GRID1: variants seen among roughly 807,000 people sequenced by gnomAD.
The protein encoded by GRID1 is glutamate receptor ionotropic, delta-1.
GRID1 carries 28 observed loss-of-function variants against 98.0 expected under a neutral mutation model. The ratio of observed to expected loss-of-function variants is 0.29; its 90% confidence interval spans 0.21 to 0.39. The LOEUF (loss-of-function observed/expected upper bound fraction) is 0.39, where lower values mean the gene tolerates loss of function less well. GRID1 is among the 10% of genes least tolerant of loss of function. The pLI is 1.00. For missense variants in GRID1, 1,111 were observed against 1,340.5 expected (o/e 0.83, Z 2.67); for synonymous variants, 553 against 538.5 (o/e 1.03, Z -0.37).
intron 4 of GRID1, among the ~76,000 whole-genome samples, chr10:86,008,026 G>A (rs1842884311): frequency 6.6e-6 from 1 of 152,026 alleles, no homozygotes; most frequent in Non-Finnish European, 1.5e-5. Flanking sequence ...GGAAGATGGG[G>A]TAAGAGACAG....
In GRID1 at chr10:86,210,494, G is replaced by A. The variant is rs529524140; in HGVS notation, c.236-3846C>T. Among the ~76,000 whole-genome samples the A allele has an allele frequency of 2.8e-4, 42 of 152,222 alleles. 1 individual carries two copies. Among genetic ancestry groups the A allele is most frequent in the Admixed American group, 2.0e-4 (3 of 15,282 alleles). ...AATGCCTCACAGTGCACAAGATGCTGAACAGATGTCAGCCTCCTGCCCCTT... is the reference window on the plus strand; with the variant it reads ...AATGCCTCACAGTGCACAAGATGCTAAACAGATGTCAGCCTCCTGCCCCTT... On this transcript the variant is annotated intron_variant, in intron 2 of 15. Transcript: ENST00000327946.
At chr10:85,789,549 T>C (rs771423354) in intron 8 of GRID1, among the ~76,000 whole-genome samples, 1 of 152,208 alleles carries the variant, frequency 6.6e-6, no homozygotes, top group Non-Finnish European at 1.5e-5. Context: ...GATCCAAGTA[T>C]GCTTCCTATT....
intron 4 of GRID1, among the ~76,000 whole-genome samples, chr10:86,122,123 C>T (rs1222604966): frequency 6.6e-6 from 1 of 152,224 alleles, no homozygotes; most frequent in Non-Finnish European, 1.5e-5. Context: ...TACTAACCTA[C>T]TCCAAGCCAG....
chr10:85,631,993 A>G (rs1332753485), intron 13 of GRID1, among the ~76,000 whole-genome samples: 1 of 117,870 alleles, frequency 8.5e-6, no homozygotes, highest in Non-Finnish European at 2.0e-5. Context: ...ATGCACACAC[A>G]CACACACACA....
At chr10:85,798,155 G>A (rs896867621) in intron 8 of GRID1, among the ~76,000 whole-genome samples, 2 of 152,126 alleles carry the variant, frequency 1.3e-5, no homozygotes, top group Non-Finnish European at 2.9e-5. Flanking sequence ...TTGAATGGTA[G>A]CTCTATTTTA....
At chr10:85,612,675 C>T (rs190051396) in intron 15 of GRID1, among the ~76,000 whole-genome samples, 93 of 151,850 alleles carry the variant, frequency 6.1e-4, no homozygotes, top group Non-Finnish European at 1.1e-3. Context: ...AATGACACTA[C>T]TTTCCACCCT....
intron 3 of GRID1, among the ~76,000 whole-genome samples, chr10:86,198,570 G>A (rs79408084): frequency 0.016 from 2,509 of 152,188 alleles, 85 homozygotes; most frequent in African/African-American, 0.057. Context: ...TAATCCACAC[G>A]TTAACCCCAT....
At chr10:86,347,196 G>A (rs1848397057) in intron 2 of GRID1, among the ~76,000 whole-genome samples, 2 of 151,618 alleles carry the variant, frequency 1.3e-5, no homozygotes, top group Admixed American at 6.6e-5. Context: ...GGAGCTCTCC[G>A]GAACAACTGT....
In GRID1 at chr10:85,724,411, G is replaced by A. The variant is rs1209326154; in HGVS notation, c.1799C>T (p.Ser600Leu). ...RAQSAAQPRP[S>L]ASATLHSAIW... ...GGCGCTGTGCAGAGTGGCAGAAGCT[G>A]ACGGCCTGGGCTGGGCAGCACTCTG... The change falls in exon 11 of 16, where the codon TCA (serine) becomes TTA (leucine). Residue 600 changes from serine to leucine, a missense_variant. Coordinates refer to ENST00000327946, the MANE Select transcript of GRID1 (RefSeq NM_017551.3). The A allele has an allele frequency of 6.2e-7, 1 of 1,614,136 alleles. No individual in the cohort carries two copies. Among genetic ancestry groups the A allele is most frequent in the East Asian group, 2.2e-5 (1 of 44,856 alleles).
At chr10:85,845,771 T>G (rs1321915858) in intron 8 of GRID1, among the ~76,000 whole-genome samples, 1 of 152,114 alleles carries the variant, frequency 6.6e-6, no homozygotes, top group Non-Finnish European at 1.5e-5. Flanking sequence ...ATAATAAAAC[T>G]TTCCTTGTAA....
At chr10:86,111,636 C>T (rs181840467) in intron 4 of GRID1, among the ~76,000 whole-genome samples, 1 of 152,294 alleles carries the variant, frequency 6.6e-6, no homozygotes. Context: ...AAGGGGTTAA[C>T]CCAAGCTACA....
In GRID1 at chr10:86,206,511, G is replaced by T; in HGVS notation, c.373C>A (p.Arg125Ser). Residue 125 changes from arginine to serine, a missense_variant, in exon 3 of 16, where the codon CGC becomes AGC. Transcript: ENST00000327946. This position sits in a 1 kb window ranked among gnomAD's most constrained non-coding sequence, Gnocchi z 4.1. ...CTGGGGTTCAGGTGGCATGCGGTGCGTGGCGACCCTCCCGGGTTGCGCTGG... is the reference window on the plus strand; with the variant it reads ...CTGGGGTTCAGGTGGCATGCGGTGCTTGGCGACCCTCCCGGGTTGCGCTGG... ...FVQRNPGGSP[R>S]TACHLNPSPD... 1 of 1,614,224 alleles carries T rather than the reference G, an allele frequency of 6.2e-7. No individual in the cohort carries two copies.
chr10:85,703,620 G>C (rs766218484), intron 12 of GRID1, among the ~76,000 whole-genome samples: 1 of 152,022 alleles, frequency 6.6e-6, no homozygotes, highest in Non-Finnish European at 1.5e-5. Context: ...AAGAGAAATG[G>C]AGTTGCATGT....
At chr10:86,128,441 T>C (rs887596561) in intron 4 of GRID1, among the ~76,000 whole-genome samples, 1 of 152,028 alleles carries the variant, frequency 6.6e-6, no homozygotes. Flanking sequence ...GCAGCTCCTT[T>C]CCCCCAGGCT....
In GRID1 at chr10:86,365,619, A is replaced by G. The variant is rs1362748847; in HGVS notation, c.79+695T>C. Among the ~76,000 whole-genome samples the G allele has an allele frequency of 6.7e-6, 1 of 149,210 alleles. No individual in the cohort carries two copies. The highest frequency in any genetic ancestry group is 1.5e-5 in the Non-Finnish European group (1 of 67,268). On this transcript the variant is annotated intron_variant, in intron 1 of 15. Coordinates refer to ENST00000327946, the MANE Select transcript of GRID1 (RefSeq NM_017551.3). This position sits in a 1 kb window ranked among gnomAD's most constrained non-coding sequence, Gnocchi z 4.8. Reference sequence around the variant, plus strand: ...CGTCTGGGCCCCCAAGACTTGGACCACGCAAAACTCTAGGACTGTCCAGGA... The same window carrying G: ...CGTCTGGGCCCCCAAGACTTGGACCGCGCAAAACTCTAGGACTGTCCAGGA...
At chr10:86,311,756 G>A (rs1847835836) in intron 2 of GRID1, among the ~76,000 whole-genome samples, 1 of 152,224 alleles carries the variant, frequency 6.6e-6, no homozygotes, top group Admixed American at 6.5e-5. Flanking sequence ...AGCACTTTGG[G>A]AGGCTGACGT....
rs186570541 is a variant in GRID1 at position 85,957,040 on chromosome 10, G to A, written c.727-40801C>T. Among the ~76,000 whole-genome samples, 81 of 152,280 alleles carry A rather than the reference G, an allele frequency of 5.3e-4. 2 individuals carry two copies. In the South Asian group the frequency reaches 0.016, roughly 30 times the overall value. On this transcript the variant is annotated intron_variant, in intron 4 of 15. Transcript: ENST00000327946. The stretch of plus-strand genomic sequence containing the variant: ...GTGGCAGGAGAGAGAAGTGCTGAGC[G>A]AAGCAGGGAAAAGCCCCTTATAAAA...
In GRID1 at chr10:85,602,584, C is replaced by T; in HGVS notation, c.2719G>A (p.Gly907Ser). ...SIELSALEMG[G>S]LAPTQTLEPT... ...TCCAAGGTCTGGGTGGGAGCCAGGC[C>T]CCCCATCTCCAGGGCCGAGAGCTCA... The change falls in exon 16 of 16, where the codon GGC becomes AGC. Residue 907 changes from glycine to serine, a missense_variant. Physicochemically the swap from Gly to Ser is moderately conservative, Grantham distance 56. Transcript: ENST00000327946. 1.2e-6 allele frequency: 2 copies of T among 1,614,072 alleles called. No homozygotes were observed. The highest frequency in any genetic ancestry group is 1.1e-5 in the South Asian group (1 of 91,056).
At chr10:86,081,297 T>TA (rs1843975174) in intron 4 of GRID1, among the ~76,000 whole-genome samples, 1 of 152,196 alleles carries the variant, frequency 6.6e-6, no homozygotes, top group Non-Finnish European at 1.5e-5. Flanking sequence ...TGGTGGGTAT[T>TA]ACAGTGTGCC....
Sources: allele counts gnomAD v4.1 joint callset (sites outside exome capture counted in the v4.1 genomes callset), GRCh38; gene constraint gnomAD v4.1.1; non-coding constraint Gnocchi (gnomAD v3.1); transcripts MANE v1.5; gene names NCBI Gene and HGNC (gene_info 2026-07-23, HGNC 2026-07-21).